The following ZNF540 variants were observed in gnomAD, a reference collection of about 807,000 sequenced individuals.
The protein encoded by ZNF540 is zinc finger protein 540.
ZNF540 carries 3 observed loss-of-function variants against 11.8 expected under a neutral mutation model. That is an observed-to-expected ratio of 0.25 (90% CI 0.12 to 0.65). The LOEUF (loss-of-function observed/expected upper bound fraction) is 0.65, where lower values mean the gene tolerates loss of function less well. Ranked by LOEUF, ZNF540 falls within the 30% of genes least tolerant of loss-of-function variation. The pLI is 0.83. For synonymous variants in ZNF540, 247 were observed against 259.0 expected (o/e 0.95, Z 0.45); for missense variants, 709 against 793.1 (o/e 0.89, Z 1.27).
At chr19:37,584,009 T>C in intron 1 of ZNF540, 1 of 1,613,918 alleles carries the variant, frequency 6.2e-7, no homozygotes, top group Non-Finnish European at 8.5e-7. Context: ...CAACATCACA[T>C]CCCTGTACAA....
At chr19:37,574,170 T>C (rs2043164803) in intron 1 of ZNF540, among the ~76,000 whole-genome samples, 1 of 152,226 alleles carries the variant, frequency 6.6e-6, no homozygotes, top group African/African-American at 2.4e-5. Flanking sequence ...TTTAGAAGTC[T>C]ACACTTAATA....
chr19:37,562,842 A>G (rs1409160381), intron 1 of ZNF540: 1 of 152,224 alleles, frequency 6.6e-6, no homozygotes, highest in Non-Finnish European at 1.5e-5. Context: ...ATGCACAAAC[A>G]TATCTGGTAA....
rs1600556322 is a variant in ZNF540 at position 37,598,684 on chromosome 19, T to C, written c.9+228T>C. Reference sequence around the variant, plus strand: ...GGGCAGAGATGGAACAGACATGAAGTTCCTAGAGGGGGAGGTACTTTACCA... The same window carrying C: ...GGGCAGAGATGGAACAGACATGAAGCTCCTAGAGGGGGAGGTACTTTACCA... On this transcript the variant is annotated intron_variant, in intron 2 of 4. Coordinates refer to ENST00000316433, the MANE Select transcript of ZNF540 (RefSeq NM_001172225.3). Among the ~76,000 whole-genome samples the C allele has an allele frequency of 1.3e-5, 2 of 152,180 alleles. 1 individual carries two copies. The highest frequency in any genetic ancestry group is 4.1e-4 in the South Asian group (2 of 4,830).
chr19:37,588,476 G>T (rs1417481545), intron 1 of ZNF540, among the ~76,000 whole-genome samples: 1 of 152,118 alleles, frequency 6.6e-6, no homozygotes, highest in African/African-American at 2.4e-5. Flanking sequence ...AATACCACAT[G>T]TTGTCCTTTA....
chr19:37,607,905 T>C (rs2044097105), intron 4 of ZNF540, among the ~76,000 whole-genome samples: 1 of 152,240 alleles, frequency 6.6e-6, no homozygotes, highest in South Asian at 2.1e-4. Context: ...AAAGTGGCTA[T>C]AATATTTTTG....
Position 37,569,308 on chromosome 19 carries a change from G to C in ZNF540, c.-73+17643G>C, listed in dbSNP as rs2042977706. On this transcript the variant is annotated intron_variant, in intron 1 of 4. Coordinates refer to the ZNF540 transcript ENST00000592533. This position sits in a 1 kb window ranked among gnomAD's most constrained non-coding sequence, Gnocchi z 4.4. ...ACTCAGTAATGTTATGAGACCCTTT[G>C]TTCTAATCTCCATCTGGCAGATAGA... 6.6e-6 allele frequency among the ~76,000 whole-genome samples: 1 copy of C among 152,062 alleles called. No homozygotes were observed. Among genetic ancestry groups the C allele is most frequent in the Non-Finnish European group, 1.5e-5 (1 of 68,018 alleles).
At chr19:37,599,397 C>T (rs192934660) in intron 2 of ZNF540, among the ~76,000 whole-genome samples, 1 of 152,168 alleles carries the variant, frequency 6.6e-6, no homozygotes, top group Admixed American at 6.5e-5. Context: ...TAAAGAACCC[C>T]ATAATATACA....
Position 37,612,410 on chromosome 19 carries a change from A to G in ZNF540, c.1130A>G (p.His377Arg). Reference sequence around the variant, plus strand: ...TACCTTACTGAACACAGAAGAACTCATGCAGGTAAGAAACCTTATGAATGT... The same window carrying G: ...TACCTTACTGAACACAGAAGAACTCGTGCAGGTAAGAAACCTTATGAATGT... ...SFYLTEHRRT[H>R]AGKKPYECKE... is the part of the protein sequence containing the mutation. The change falls in exon 5 of 5, where the codon CAT becomes CGT. Residue 377 changes from histidine (H) to arginine (R), a missense_variant. Transcript: ENST00000316433. 6.2e-7 allele frequency: 1 copy of G among 1,614,132 alleles called. No homozygotes were observed. Among genetic ancestry groups the G allele is most frequent in the South Asian group, 1.1e-5 (1 of 91,084 alleles).
intron 1 of ZNF540, among the ~76,000 whole-genome samples, chr19:37,553,113 CTTTTTTTTTTTTTTTTTTTTTTTTT>C (rs746114598): frequency 3.0e-4 from 10 of 33,130 alleles, no homozygotes; most frequent in East Asian, 7.4e-4. Context: ...AACCTAACAT[CTTTTTTTTTTTTTTTTTTTTTTTTT>C]TTTTTTTTTT....
At chr19:37,583,805 G>T in intron 1 of ZNF540, 2 of 605,384 alleles carry the variant, frequency 3.3e-6, no homozygotes, top group Non-Finnish European at 5.6e-6. Flanking sequence ...AGAGAAAGAT[G>T]TGACAGTCTA....
upstream of ZNF540, chr19:37,594,497 G>A (rs114119628): frequency 3.9e-5 from 6 of 152,202 alleles, no homozygotes; most frequent in African/African-American, 1.4e-4. Context: ...TCATAAATTC[G>A]GTGCGGAGGA....
At position 37,611,500 on chromosome 19, in the gene ZNF540, T is replaced by G; in HGVS notation, c.233-13T>G. On this transcript the variant is annotated splice_polypyrimidine_tract_variant and intron_variant, in intron 4 of 4. Coordinates refer to ENST00000316433, the MANE Select transcript of ZNF540 (RefSeq NM_001172225.3). ...GGAAAATAATTTTTGTTTGCTTTTATGTTTTCTTTCAGGTTTGTTATCCAG... is the reference window on the plus strand; with the variant it reads ...GGAAAATAATTTTTGTTTGCTTTTAGGTTTTCTTTCAGGTTTGTTATCCAG... The G allele has an allele frequency of 6.4e-7, 1 of 1,556,122 alleles. No individual in the cohort carries two copies. Among genetic ancestry groups the G allele is most frequent in the East Asian group, 2.3e-5 (1 of 44,212 alleles).
intron 1 of ZNF540, chr19:37,562,448 GT>G (rs2042728732): frequency 6.6e-6 from 1 of 152,142 alleles, no homozygotes; most frequent in African/African-American, 2.4e-5. Flanking sequence ...TATAGAAAAG[GT>G]AAGTATTTCT....
rs901400770 is a variant in ZNF540 at position 37,611,409 on chromosome 19, T to C, written c.233-104T>C. 3.5e-5 allele frequency: 30 copies of C among 863,806 alleles called. 1 individual carries two copies. In the African/African-American group the frequency reaches 4.4e-4, roughly 13 times the overall value. The allele number at this position is 863,806 out of a possible 1,614,324, so 53.5% of individuals were successfully genotyped here. A position where few individuals can be genotyped will look rare whatever the true frequency, so the allele number is the denominator to read the frequency against. ...AAATATTCTTTAAGCCACTGACTTC[T>C]AGTAAGAACCGTTTTCACTTTGTTT... On this transcript the variant is annotated intron_variant, in intron 4 of 4. Coordinates refer to ENST00000316433, the MANE Select transcript of ZNF540 (RefSeq NM_001172225.3).
rs2043149128 is a variant in ZNF540, at chr19:37,573,814, CA to C, written c.-73+22150del. Among the ~76,000 whole-genome samples the C allele has an allele frequency of 2.1e-5, 3 of 146,156 alleles. No homozygotes were observed. In the Admixed American group the frequency reaches 2.1e-4, roughly 10 times the overall value. ...TGCCACTGCACTCCAGTCTGCGCAACAGAACGAGATCCTGTTTCAAAAAAAA... is the reference window on the plus strand; with the variant it reads ...TGCCACTGCACTCCAGTCTGCGCAACGAACGAGATCCTGTTTCAAAAAAAA... On this transcript the variant is annotated intron_variant, in intron 1 of 4. Coordinates refer to the ZNF540 transcript ENST00000592533.
chr19:37,587,001 G>A, intron 1 of ZNF540: 1 of 313,246 alleles, frequency 3.2e-6, no homozygotes, highest in South Asian at 9.4e-5. Context: ...CATGCCCAGG[G>A]AGCCCCCCAC....
chr19:37,556,994 C>T (rs756626703), intron 1 of ZNF540, among the ~76,000 whole-genome samples: 6 of 152,142 alleles, frequency 3.9e-5, no homozygotes, highest in Non-Finnish European at 8.8e-5. Context: ...AGGTGAAGGC[C>T]GGTCCATTAT....
intron 1 of ZNF540, chr19:37,586,695 A>G: frequency 6.2e-7 from 1 of 1,614,052 alleles, no homozygotes; most frequent in African/African-American, 1.3e-5. Context: ...AGAACTGATC[A>G]ATTTTCTGGG....
At chr19:37,560,335 A>G (rs535545238) in intron 1 of ZNF540, 2 of 152,174 alleles carry the variant, frequency 1.3e-5, no homozygotes, top group African/African-American at 4.8e-5. Flanking sequence ...TCCTTGGTAT[A>G]GGATAAACTT....
Sources: gnomAD v4.1 joint callset for allele counts (sites outside exome capture counted in the v4.1 genomes callset) on GRCh38, gnomAD v4.1.1 for gene constraint, Gnocchi (gnomAD v3.1) non-coding constraint, MANE v1.5 for transcripts, NCBI Gene and HGNC (gene_info 2026-07-23, HGNC 2026-07-21) for gene names.